Variants in PDIA5 observed in about 807,000 individuals in gnomAD.
The protein encoded by PDIA5 is protein disulfide isomerase family A member 5.
In PDIA5, 58 loss-of-function variants were observed where a neutral mutation model predicts 77.6. The ratio of observed to expected loss-of-function variants is 0.75; its 90% CI spans 0.61 to 0.93. The LOEUF is 0.93. PDIA5 is among the 40% of genes least tolerant of loss of function. The pLI is 0.00. For synonymous variants in PDIA5, 250 were observed against 252.1 expected, an observed-to-expected ratio of 0.99 and a Z score of 0.08; for missense variants, 630 against 647.7, an observed-to-expected ratio of 0.97 and a Z score of 0.30.
chr3:123,103,597 G>A (rs1458590414), intron 5 of PDIA5, among the ~76,000 whole-genome samples: 1 of 152,076 alleles, frequency 6.6e-6, no homozygotes, highest in Non-Finnish European at 1.5e-5. Flanking sequence ...TGTCTGTGCA[G>A]CTGTCAGTGT....
chr3:123,131,373 T>C (rs1279023061), intron 11 of PDIA5, among the ~76,000 whole-genome samples: 1 of 151,702 alleles, frequency 6.6e-6, no homozygotes, highest in Non-Finnish European at 1.5e-5. Flanking sequence ...TAAGCCAAGA[T>C]TGTGCCACTG....
chr3:123,121,972 G>A (rs1409635407), intron 8 of PDIA5, among the ~76,000 whole-genome samples: 1 of 152,188 alleles, frequency 6.6e-6, no homozygotes, highest in Non-Finnish European at 1.5e-5. Flanking sequence ...TGTTGCTGCT[G>A]CACTCAGCAA....
chr3:123,112,108 C>G (rs1366275553), intron 7 of PDIA5, among the ~76,000 whole-genome samples: 1 of 152,152 alleles, frequency 6.6e-6, no homozygotes, highest in Non-Finnish European at 1.5e-5. Context: ...CCGGGCACCT[C>G]CACAGTCTAA....
intron 2 of PDIA5, among the ~76,000 whole-genome samples, chr3:123,090,922 G>A (rs16833891): frequency 0.011 from 1,654 of 152,290 alleles, 28 homozygotes; most frequent in African/African-American, 0.038. Flanking sequence ...CCTGCTGCAC[G>A]AGAGACATGT....
At chr3:123,095,260 C>T (rs1450076621) in intron 3 of PDIA5, among the ~76,000 whole-genome samples, 1 of 152,152 alleles carries the variant, frequency 6.6e-6, no homozygotes, top group East Asian at 1.9e-4. Flanking sequence ...TGTGAGACAC[C>T]ATTCTCCTAG....
rs925348540 is a variant in PDIA5, at chr3:123,090,790, G to A, written c.169+1496G>A. ...CACCTAAGCTCTCTTTCCCTCACCC[G>A]ACCCTGTCTTGAGCCATTGAGAGTA... is the stretch of plus-strand genomic sequence containing the variant. On this transcript the variant is annotated intron_variant, in intron 2 of 16. Coordinates refer to ENST00000316218, the MANE Select transcript of PDIA5 (RefSeq NM_006810.4). Among the ~76,000 whole-genome samples, 40 of 152,102 alleles carry A rather than the reference G, an allele frequency of 2.6e-4. 1 individual carries two copies. Among genetic ancestry groups the A allele is most frequent in the African/African-American group, 5.6e-4 (23 of 41,418 alleles).
chr3:123,113,334 G>A (rs1373629328), intron 7 of PDIA5, among the ~76,000 whole-genome samples: 1 of 152,176 alleles, frequency 6.6e-6, no homozygotes, highest in Non-Finnish European at 1.5e-5. Flanking sequence ...CCCGTGTGCT[G>A]TGCCCTCTCC....
intron 11 of PDIA5, among the ~76,000 whole-genome samples, chr3:123,134,211 A>T (rs147761206): frequency 2.0e-5 from 3 of 152,196 alleles, no homozygotes; most frequent in Admixed American, 2.0e-4. Context: ...TTTTGTAAAG[A>T]CGGGGTCTCA....
intron 11 of PDIA5, among the ~76,000 whole-genome samples, chr3:123,135,044 G>A (rs1359575101): frequency 2.0e-5 from 3 of 152,210 alleles, no homozygotes; most frequent in South Asian, 2.1e-4. Flanking sequence ...TGCAGGCGAC[G>A]GAGATGCTCT....
At chr3:123,081,488 C>A (rs1354722002) in intron 1 of PDIA5, among the ~76,000 whole-genome samples, 2 of 152,188 alleles carry the variant, frequency 1.3e-5, no homozygotes, top group Non-Finnish European at 2.9e-5. Context: ...CCTTTCGTAC[C>A]AGCTTCTTAT....
In PDIA5 at chr3:123,162,043, C is replaced by A; in HGVS notation, c.*83C>A. The A allele has an allele frequency of 2.4e-6, 2 of 844,224 alleles. No individual in the cohort carries two copies. The highest frequency in any genetic ancestry group is 3.9e-6 in the Non-Finnish European group (2 of 508,988). The allele number at this position is 844,224 out of a possible 1,614,324, so 52.3% of individuals were successfully genotyped here. Reference sequence around the variant, plus strand: ...TCTGAATTTCCACATGTTCTGAAGACAAATTTTTTATAGCCGCTTATGGCC... The same window carrying A: ...TCTGAATTTCCACATGTTCTGAAGAAAAATTTTTTATAGCCGCTTATGGCC... On this transcript the variant is annotated 3_prime_UTR_variant, in exon 17 of 17. Transcript: ENST00000316218.
intron 11 of PDIA5, among the ~76,000 whole-genome samples, chr3:123,142,309 C>T (rs531956148): frequency 4.6e-5 from 7 of 152,336 alleles, no homozygotes; most frequent in South Asian, 2.1e-4. Context: ...TGGGCTTTTG[C>T]GGTTGCCCCT....
At chr3:123,083,360 A>G (rs1227915423) in intron 1 of PDIA5, among the ~76,000 whole-genome samples, 1 of 152,004 alleles carries the variant, frequency 6.6e-6, no homozygotes, top group Non-Finnish European at 1.5e-5. Flanking sequence ...GGGGAAAGCC[A>G]TTTTTCCCGG....
chr3:123,161,818 A>T (rs780841855), intron 16 of PDIA5, 62 bp from the exon 17 acceptor site: 2 of 1,063,766 alleles, frequency 1.9e-6, no homozygotes, highest in Admixed American at 1.8e-5. Context: ...GGGGAGAGAG[A>T]GTGCACAGCC....
chr3:123,122,272 T>C (rs1935137510), intron 8 of PDIA5, among the ~76,000 whole-genome samples: 1 of 151,948 alleles, frequency 6.6e-6, no homozygotes, highest in African/African-American at 2.4e-5. Flanking sequence ...GGGAGATCAA[T>C]TAGGCAGAAA....
At chr3:123,078,268 C>T (rs1933908196) in intron 1 of PDIA5, among the ~76,000 whole-genome samples, 1 of 152,130 alleles carries the variant, frequency 6.6e-6, no homozygotes, top group Non-Finnish European at 1.5e-5. Context: ...GTTCAGCTAG[C>T]AGTACAGAAG....
At chr3:123,158,935 A>G (rs1222600251) in intron 15 of PDIA5, among the ~76,000 whole-genome samples, 1 of 152,050 alleles carries the variant, frequency 6.6e-6, no homozygotes, top group East Asian at 1.9e-4. Flanking sequence ...TTTGGGGAGG[A>G]CGCATTTGTC....
chr3:123,077,575 C>T (rs1933886778), intron 1 of PDIA5, among the ~76,000 whole-genome samples: 1 of 151,868 alleles, frequency 6.6e-6, no homozygotes, highest in Non-Finnish European at 1.5e-5. Flanking sequence ...CACACACACA[C>T]ACACACACAA....
Position 123,136,580 on chromosome 3 carries a change from A to C in PDIA5, c.910+5964A>C, listed in dbSNP as rs530731971. 1.4e-4 allele frequency among the ~76,000 whole-genome samples: 21 copies of C among 152,280 alleles called. No homozygotes were observed. The South Asian group carries it at 4.4e-3, about 32-fold the overall frequency. On this transcript the variant is annotated intron_variant, in intron 11 of 16. Coordinates refer to ENST00000316218, the MANE Select transcript of PDIA5 (RefSeq NM_006810.4). ...ATGGTGAAACTCTGTCTCTACTAAA[A>C]ATACAAAAATTAGCAGAGCATGGTG...
Sources: allele counts gnomAD v4.1 joint callset (sites outside exome capture counted in the v4.1 genomes callset), GRCh38; gene constraint gnomAD v4.1.1; transcripts MANE v1.5; gene names NCBI Gene and HGNC (gene_info 2026-07-23, HGNC 2026-07-21).